The following GIPC2 variants were observed in gnomAD, a reference collection of about 807,000 sequenced individuals.
GIPC2 encodes PDZ domain-containing protein GIPC2.
In GIPC2, 30 loss-of-function variants were observed where a neutral mutation model predicts 30.6. That is an observed-to-expected ratio of 0.98 (90% confidence interval 0.73 to 1.33). The LOEUF (loss-of-function observed/expected upper bound fraction) is 1.33. Among genes scored for constraint, GIPC2 ranks in the 40% most tolerant of loss-of-function variants. GIPC2 has a pLI of 0.00. For missense variants in GIPC2, 414 were observed against 390.3 expected (o/e 1.06, Z -0.51); for synonymous variants, 167 against 150.0 (o/e 1.11, Z -0.83).
At chr1:78,058,723 C>T (rs1661340302) in intron 1 of GIPC2, among the ~76,000 whole-genome samples, 1 of 152,066 alleles carries the variant, frequency 6.6e-6, no homozygotes, top group Non-Finnish European at 1.5e-5. Flanking sequence ...TTTAAATATC[C>T]AAGAATCTTG....
rs537413748 is a variant in GIPC2, at chr1:78,120,944, A to G, written c.714+1445A>G. 2.6e-5 allele frequency among the ~76,000 whole-genome samples: 4 copies of G among 152,344 alleles called. No homozygotes were observed. In the East Asian group the frequency reaches 7.7e-4, roughly 29 times the overall value. ...CTTTGATTAATTTTGTCTACTGTCTAGCTCCTTTGCTCACATGTCTTGTTC... is the reference window on the plus strand; with the variant it reads ...CTTTGATTAATTTTGTCTACTGTCTGGCTCCTTTGCTCACATGTCTTGTTC... On this transcript the variant is annotated intron_variant, in intron 4 of 5. Transcript: ENST00000370759.
intron 5 of GIPC2, among the ~76,000 whole-genome samples, chr1:78,129,837 G>A (rs1303743637): frequency 6.6e-6 from 1 of 152,148 alleles, no homozygotes; most frequent in East Asian, 1.9e-4. Context: ...AATGTTTTCT[G>A]ATGATACCAA....
chr1:78,125,904 A>G lies in GIPC2; in HGVS notation c.738A>G (p.Ala246=). The change falls in exon 5 of 6, where the codon GCA becomes GCG. Residue 246 remains alanine (A), a synonymous_variant. Transcript: ENST00000370759. The stretch of plus-strand genomic sequence containing the variant: ...AGCCTTCTGAAACCAAAGCAAAGGC[A>G]ATTGAAAAGATTGATGATGTTCTTG... ...EEMPSETKAK[A]IEKIDDVLEL... The G allele has an allele frequency of 6.3e-7, 1 of 1,585,188 alleles. No homozygotes were observed. The highest frequency in any genetic ancestry group is 8.7e-7 in the Non-Finnish European group (1 of 1,153,906).
intron 1 of GIPC2, among the ~76,000 whole-genome samples, chr1:78,063,367 C>T (rs1230137130): frequency 1.3e-5 from 2 of 151,790 alleles, no homozygotes; most frequent in South Asian, 2.1e-4. Context: ...TGGCATGCAT[C>T]TGTAATCCTA....
rs1663027216 is a variant in GIPC2, at chr1:78,137,483, C to CCT, written c.*1741_*1742dup. 6.6e-6 allele frequency: 1 copy of CCT among 152,144 alleles called. No individual in the cohort carries two copies. Among genetic ancestry groups the CCT allele is most frequent in the African/African-American group, 2.4e-5 (1 of 41,444 alleles). The allele number at this position is 152,144 out of a possible 1,614,324, so 9.4% of individuals were successfully genotyped here. On this transcript the variant is annotated 3_prime_UTR_variant, in exon 6 of 6. Coordinates refer to ENST00000370759, the MANE Select transcript of GIPC2 (RefSeq NM_017655.6). ...TATTGATGGTTGTCAGTTTCTCCTTCCTTTTTGGGCATGCATAAAGACACA... is the reference window on the plus strand; with the variant it reads ...TATTGATGGTTGTCAGTTTCTCCTTCCTCTTTTTGGGCATGCATAAAGACACA...
chr1:78,131,614 AGT>A (rs1205208901), intron 5 of GIPC2, among the ~76,000 whole-genome samples: 2 of 152,222 alleles, frequency 1.3e-5, no homozygotes, highest in African/African-American at 4.8e-5. Context: ...CTTTATAAAA[AGT>A]GTTTTATTTT....
chr1:78,110,057 G>A (rs968167010), intron 3 of GIPC2, among the ~76,000 whole-genome samples: 4 of 152,006 alleles, frequency 2.6e-5, no homozygotes, highest in Non-Finnish European at 5.9e-5. Context: ...GAAGGGGGAG[G>A]GATAGCATTA....
chr1:78,046,250 T>G lies in GIPC2; in HGVS notation c.156T>G (p.Ser52Arg), dbSNP rs562691981. Residue 52 changes from serine (S) to arginine (R), a missense_variant, in exon 1 of 6, where the codon AGT becomes AGG. Physicochemically the swap from Ser to Arg is moderately radical, Grantham distance 110 (BLOSUM62 -1). Coordinates refer to ENST00000370759, the MANE Select transcript of GIPC2 (RefSeq NM_017655.6). ...LVFHAQLAHGSATGRVEGFSS... is the reference protein window; with the variant it reads ...LVFHAQLAHGRATGRVEGFSS... ...TCCACGCGCAGCTGGCGCACGGTAG[T>G]GCCACGGGCCGAGTGGAGGGCTTCT... 5.6e-6 allele frequency: 9 copies of G among 1,609,972 alleles called. No homozygotes were observed. Among genetic ancestry groups the G allele is most frequent in the East Asian group, 4.5e-5 (2 of 44,578 alleles).
chr1:78,117,216 C>T (rs1662584358), intron 3 of GIPC2, among the ~76,000 whole-genome samples: 1 of 152,182 alleles, frequency 6.6e-6, no homozygotes, highest in Non-Finnish European at 1.5e-5. Context: ...GACATATTGC[C>T]TAGGTTCTAA....
chr1:78,061,061 G>C (rs1398991586), intron 1 of GIPC2, among the ~76,000 whole-genome samples: 2 of 152,128 alleles, frequency 1.3e-5, no homozygotes, highest in Non-Finnish European at 2.9e-5. Flanking sequence ...GAGTCCTTGT[G>C]CAAGGAGAGC....
chr1:78,092,200 G>A, intron 2 of GIPC2: 1 of 573,018 alleles, frequency 1.7e-6, no homozygotes, highest in Non-Finnish European at 3.1e-6. Context: ...GTAATTGAAA[G>A]GGGAAAAAAA....
At chr1:78,091,846 G>T in intron 2 of GIPC2, 1 of 778,824 alleles carries the variant, frequency 1.3e-6, no homozygotes, top group South Asian at 1.3e-5. Context: ...CTCGGAAGGA[G>T]AAAGATGTAA....
At chr1:78,076,031 T>C (rs1325141277) in intron 1 of GIPC2, among the ~76,000 whole-genome samples, 1 of 152,182 alleles carries the variant, frequency 6.6e-6, no homozygotes, top group Non-Finnish European at 1.5e-5. Flanking sequence ...TTAGAAGAAG[T>C]GAGGGACACA....
intron 2 of GIPC2, chr1:78,092,201 G>A (rs1400959491): frequency 1.8e-6 from 1 of 571,190 alleles, no homozygotes; most frequent in Non-Finnish European, 3.1e-6. Context: ...TAATTGAAAG[G>A]GGAAAAAAAA....
chr1:78,134,857 G>A (rs1662971062), intron 5 of GIPC2, among the ~76,000 whole-genome samples: 2 of 152,138 alleles, frequency 1.3e-5, no homozygotes, highest in African/African-American at 4.8e-5. Flanking sequence ...GGTTGCTGGT[G>A]CTTCTAGGGT....
chr1:78,064,673 T>G (rs1661468422), intron 1 of GIPC2, among the ~76,000 whole-genome samples: 1 of 151,850 alleles, frequency 6.6e-6, no homozygotes, highest in Admixed American at 6.6e-5. Flanking sequence ...TTAAAAATGT[T>G]TTTTAGAGAG....
intron 2 of GIPC2, chr1:78,092,154 T>C (rs1304377746): frequency 2.6e-6 from 2 of 765,684 alleles, no homozygotes; most frequent in Non-Finnish European, 4.4e-6. Flanking sequence ...ACAAGATGTT[T>C]TTATAGTCTA....
chr1:78,046,121 G>GAAGGCC lies in GIPC2; in HGVS notation c.31_36dup (p.Ala11_Lys12dup). 6.7e-7 allele frequency: 1 copy of GAAGGCC among 1,492,758 alleles called. No individual in the cohort carries two copies. Among genetic ancestry groups the GAAGGCC allele is most frequent in the Non-Finnish European group, 8.9e-7 (1 of 1,125,486 alleles). The allele number at this position is 1,492,758 out of a possible 1,614,324, so 92.5% of individuals were successfully genotyped here. ...TGCCCCTGAAGCTGCGGGGGAAGAAGAAGGCCAAGTCCAAGGAGACCGCCG... is the reference window on the plus strand; with the variant it reads ...TGCCCCTGAAGCTGCGGGGGAAGAAGAAGGCCAAGGCCAAGTCCAAGGAGACCGCCG... On this transcript the variant is annotated inframe_insertion, in exon 1 of 6. Coordinates refer to ENST00000370759, the MANE Select transcript of GIPC2 (RefSeq NM_017655.6).
intron 1 of GIPC2, among the ~76,000 whole-genome samples, chr1:78,069,676 G>A (rs528038690): frequency 2.2e-4 from 33 of 151,902 alleles, no homozygotes; most frequent in African/African-American, 8.0e-4. Flanking sequence ...CTTTCACCAC[G>A]TTGGCCAGGC....
Sources: gnomAD v4.1 joint callset for allele counts (sites outside exome capture counted in the v4.1 genomes callset) on GRCh38, gnomAD v4.1.1 for gene constraint, MANE v1.5 for transcripts, NCBI Gene and HGNC (gene_info 2026-07-23, HGNC 2026-07-21) for gene names.